The following RPS6KC1 variants were observed in gnomAD, a reference collection of about 807,000 sequenced individuals.
RPS6KC1 encodes the protein inactive ribosomal protein S6 kinase delta-1.
A neutral mutation model predicts 103.8 loss-of-function variants in RPS6KC1; 54 were observed. The observed-to-expected ratio is 0.52, with a 90% CI of 0.42 to 0.65. The LOEUF is 0.65. Among genes scored for constraint, RPS6KC1 ranks in the 30% least tolerant of loss-of-function variants. The pLI is 0.00. For missense variants in RPS6KC1, 1,151 were observed against 1,253.8 expected (o/e 0.92, Z 1.24); for synonymous variants, 439 against 438.7 (o/e 1.00, Z -0.01).
At chr1:213,053,867 C>G (rs574529266) in intron 1 of RPS6KC1, among the ~76,000 whole-genome samples, 55 of 150,780 alleles carry the variant, frequency 3.6e-4, no homozygotes, top group African/African-American at 1.3e-3. Flanking sequence ...GGCGTAGTCT[C>G]GCTCTCTTGC....
At chr1:213,352,948 CT>C in the RPS6KC1 span, among the ~76,000 whole-genome samples, 5 of 152,186 alleles carry the variant, frequency 3.3e-5, no homozygotes, top group African/African-American at 1.2e-4. Flanking sequence ...CTTATATTTG[CT>C]GAGCACCCTT....
intron 10 of RPS6KC1, among the ~76,000 whole-genome samples, chr1:213,232,505 CTAATA>C (rs917242074): frequency 1.4e-4 from 21 of 152,218 alleles, no homozygotes; most frequent in African/African-American, 5.1e-4. Context: ...TGGAATTTAC[CTAATA>C]TAATGAGAAC....
chr1:213,401,776 T>TTTAC, the RPS6KC1 span, among the ~76,000 whole-genome samples: 4 of 149,910 alleles, frequency 2.7e-5, no homozygotes, highest in East Asian at 5.8e-4. Context: ...TATTTTTATT[T>TTTAC]TTACTTACTT....
At chr1:213,808,895 C>CTTGCTG in the RPS6KC1 span, among the ~76,000 whole-genome samples, 1 of 152,194 alleles carries the variant, frequency 6.6e-6, no homozygotes, top group Non-Finnish European at 1.5e-5. Flanking sequence ...AGCTATAGAC[C>CTTGCTG]GGAGCTGTTC....
At chr1:213,454,754 T>C in the RPS6KC1 span, among the ~76,000 whole-genome samples, 1 of 152,232 alleles carries the variant, frequency 6.6e-6, no homozygotes, top group Non-Finnish European at 1.5e-5. Flanking sequence ...AGTGTCCAAA[T>C]TCCAGCTGAT....
chr1:213,180,892 T>C (rs2148354850), intron 8 of RPS6KC1, among the ~76,000 whole-genome samples: 1 of 152,344 alleles, frequency 6.6e-6, no homozygotes, highest in African/African-American at 2.4e-5. Context: ...TAAGAGAGTT[T>C]CTGAGAAAGA....
chr1:213,602,029 T>TTTTC, the RPS6KC1 span, among the ~76,000 whole-genome samples: 6 of 6,816 alleles, frequency 8.8e-4, no homozygotes, highest in Non-Finnish European at 2.0e-3. Context: ...TCTTTCTTTC[T>TTTTC]CTTTCTCTTT....
chr1:213,146,025 A>AC (rs973426559), intron 6 of RPS6KC1, among the ~76,000 whole-genome samples: 5 of 101,512 alleles, frequency 4.9e-5, no homozygotes, highest in Non-Finnish European at 9.5e-5. Context: ...CCTCCCTGTA[A>AC]CCCCCCCACT....
the RPS6KC1 span, among the ~76,000 whole-genome samples, chr1:213,399,045 C>A: frequency 1.3e-5 from 2 of 152,122 alleles, no homozygotes; most frequent in South Asian, 4.1e-4. Flanking sequence ...ATAGACAAAA[C>A]ATATAGATTT....
the RPS6KC1 span, among the ~76,000 whole-genome samples, chr1:213,676,615 T>G: frequency 6.6e-6 from 1 of 152,214 alleles, no homozygotes; most frequent in Admixed American, 6.5e-5. Flanking sequence ...CTGTTCACAT[T>G]GCACCAAGTT....
intron 6 of RPS6KC1, among the ~76,000 whole-genome samples, chr1:213,143,924 C>T (rs1036259843): frequency 6.6e-6 from 1 of 151,476 alleles, no homozygotes; most frequent in African/African-American, 2.4e-5. Flanking sequence ...TTATGGTCCC[C>T]TTTGTCCATC....
chr1:213,511,360 G>A, the RPS6KC1 span, among the ~76,000 whole-genome samples: 1 of 152,156 alleles, frequency 6.6e-6, no homozygotes, highest in African/African-American at 2.4e-5. Context: ...GCCGGGGCTG[G>A]CCATCCAGCA....
the RPS6KC1 span, among the ~76,000 whole-genome samples, chr1:213,567,952 C>A: frequency 3.8e-3 from 580 of 152,174 alleles, 5 homozygotes; most frequent in African/African-American, 0.013. Context: ...CTTTGAGGAG[C>A]CTTTTGGATT....
At chr1:213,565,113 A>G in the RPS6KC1 span, among the ~76,000 whole-genome samples, 1 of 152,228 alleles carries the variant, frequency 6.6e-6, no homozygotes, top group Admixed American at 6.5e-5. Flanking sequence ...GAAAGGTTAA[A>G]TTTTGTTTTT....
chr1:213,486,439 C>G, the RPS6KC1 span, among the ~76,000 whole-genome samples: 1 of 151,832 alleles, frequency 6.6e-6, no homozygotes, highest in Non-Finnish European at 1.5e-5. Flanking sequence ...CCTAAGGGAC[C>G]AATGAGGCTT....
At chr1:213,363,569 G>C in the RPS6KC1 span, among the ~76,000 whole-genome samples, 1 of 151,636 alleles carries the variant, frequency 6.6e-6, no homozygotes, top group Non-Finnish European at 1.5e-5. Flanking sequence ...AGAAACAAAG[G>C]GCAAAATTTC....
At chr1:213,438,996 A>G in the RPS6KC1 span, among the ~76,000 whole-genome samples, 5 of 151,890 alleles carry the variant, frequency 3.3e-5, no homozygotes, top group Admixed American at 6.6e-5. Context: ...GGGTTTCACC[A>G]TGTTAGCCAG....
chr1:213,119,221 C>T (rs914997037), intron 5 of RPS6KC1, among the ~76,000 whole-genome samples: 2 of 151,424 alleles, frequency 1.3e-5, no homozygotes, highest in South Asian at 2.1e-4. Context: ...CCAAGGCAGG[C>T]GGATCACTTG....
At chr1:213,835,831 C>T in the RPS6KC1 span, 3 of 152,240 alleles carry the variant, frequency 2.0e-5, no homozygotes, top group African/African-American at 7.2e-5. Flanking sequence ...TCTATGAGCT[C>T]TTCCCTTCCC....
Sources: gnomAD v4.1 joint callset for allele counts (sites outside exome capture counted in the v4.1 genomes callset) on GRCh38, gnomAD v4.1.1 for gene constraint, MANE v1.5 for transcripts, NCBI Gene and HGNC (gene_info 2026-07-23, HGNC 2026-07-21) for gene names.